Variants in FLNB observed in about 807,000 individuals in gnomAD.
The protein encoded by FLNB is filamin-B.
In FLNB, 111 loss-of-function variants were observed where a neutral mutation model predicts 250.6. That is an observed-to-expected ratio of 0.44 (90% CI 0.38 to 0.52). The LOEUF (loss-of-function observed/expected upper bound fraction) is 0.52. Ranked by LOEUF, FLNB falls within the 20% of genes least tolerant of loss-of-function variation. The pLI is 0.00. For missense variants in FLNB, 2,869 were observed against 3,447.8 expected (o/e 0.83, Z 4.20); for synonymous variants, 1,302 against 1,372.1 (o/e 0.95, Z 1.13).
At chr3:58,027,157 C>CTT (rs113631735) in intron 1 of FLNB, among the ~76,000 whole-genome samples, 2 of 145,736 alleles carry the variant, frequency 1.4e-5, no homozygotes, top group Non-Finnish European at 3.0e-5. Context: ...GACTCTGGCT[C>CTT]TTTTTTTTTT....
At chr3:58,114,262 T>C (rs1031444223) in intron 18 of FLNB, among the ~76,000 whole-genome samples, 1 of 152,138 alleles carries the variant, frequency 6.6e-6, no homozygotes, top group African/African-American at 2.4e-5. Flanking sequence ...CGTGCCACCA[T>C]GCCCAGCTAA....
At chr3:58,138,061 C>T (rs932322853) in intron 28 of FLNB, among the ~76,000 whole-genome samples, 8 of 152,200 alleles carry the variant, frequency 5.3e-5, no homozygotes, top group South Asian at 2.1e-4. Flanking sequence ...AACCTTTAGT[C>T]AACACTCAGA....
intron 1 of FLNB, among the ~76,000 whole-genome samples, chr3:58,027,154 G>A (rs889507359): frequency 7.3e-5 from 11 of 151,694 alleles, no homozygotes; most frequent in Admixed American, 5.3e-4. Flanking sequence ...TTAGACTCTG[G>A]CTCTTTTTTT....
chr3:58,117,153 G>A (rs1301676839), intron 18 of FLNB, among the ~76,000 whole-genome samples: 2 of 152,176 alleles, frequency 1.3e-5, no homozygotes, highest in Admixed American at 6.5e-5. Flanking sequence ...AAATGCACTG[G>A]CCATCACTAC....
intron 38 of FLNB, 110 bp downstream of exon 38, chr3:58,150,337 G>A (rs1215721787): frequency 6.9e-5 from 87 of 1,262,428 alleles, no homozygotes; most frequent in Admixed American, 2.2e-4. Context: ...TATCCAAGTC[G>A]GCTGTGCTGA....
intron 1 of FLNB, among the ~76,000 whole-genome samples, chr3:58,032,024 G>C (rs1287134802): frequency 6.6e-6 from 1 of 151,968 alleles, no homozygotes; most frequent in Non-Finnish European, 1.5e-5. Context: ...CACTTCCCAG[G>C]GTCAAGCCAT....
intron 1 of FLNB, among the ~76,000 whole-genome samples, chr3:58,014,233 G>A (rs1295213176): frequency 6.6e-6 from 1 of 152,198 alleles, no homozygotes; most frequent in Admixed American, 6.5e-5. Context: ...AGCTTGGTTG[G>A]CTAAGGTTGA....
At chr3:58,036,186 G>A (rs1176984003) in intron 1 of FLNB, among the ~76,000 whole-genome samples, 1 of 152,166 alleles carries the variant, frequency 6.6e-6, no homozygotes, top group Non-Finnish European at 1.5e-5. Flanking sequence ...TCAGCTCTGG[G>A]GCTTTGGACC....
chr3:58,128,014 T>C (rs1436082568), intron 24 of FLNB, among the ~76,000 whole-genome samples: 1 of 152,102 alleles, frequency 6.6e-6, no homozygotes, highest in Non-Finnish European at 1.5e-5. Flanking sequence ...TCTGGGCCAC[T>C]TATGCCTTGT....
At chr3:58,124,251 A>C in intron 21 of FLNB, 81 bp from the exon 22 acceptor site, 1 of 1,445,852 alleles carries the variant, frequency 6.9e-7, no homozygotes, top group Admixed American at 1.7e-5. Context: ...TGTGTCCTGA[A>C]GTGCCAAGAA....
At chr3:58,127,901 A>C (rs779531760) in intron 24 of FLNB, among the ~76,000 whole-genome samples, 1 of 152,130 alleles carries the variant, frequency 6.6e-6, no homozygotes, top group Non-Finnish European at 1.5e-5. Context: ...GGTTACATGG[A>C]TGAATTCTAT....
chr3:58,147,098 GT>G, intron 34 of FLNB, 105 bp downstream of exon 34: 1 of 1,187,948 alleles, frequency 8.4e-7, no homozygotes, highest in Non-Finnish European at 1.2e-6. Context: ...GTCTCTTTGA[GT>G]TTAGGTTTCA....
chr3:58,104,215 T>G, intron 10 of FLNB, 130 bp downstream of exon 10: 1 of 752,382 alleles, frequency 1.3e-6, no homozygotes, highest in Non-Finnish European at 2.1e-6. Context: ...TTTTTTTTTT[T>G]CGGAGCAGCA....
chr3:58,071,212 C>T (rs2097193937), intron 1 of FLNB, among the ~76,000 whole-genome samples: 1 of 151,528 alleles, frequency 6.6e-6, no homozygotes, highest in Non-Finnish European at 1.5e-5. Flanking sequence ...TCTCAGCTTC[C>T]CATAGTGCTG....
chr3:58,106,685 G>C lies in FLNB; in HGVS notation c.1753G>C (p.Ala585Pro). ...CTTCCACCTCCACCCCCTAGGGTTT[G>C]CCATTGAAGGCCCCTCTCAGGCAAA... ...IGSEVGSLGF[A>P]IEGPSQAKIE... Residue 585 changes from alanine to proline, a missense_variant, in exon 12 of 46, where the codon GCC (alanine) becomes CCC (proline). Coordinates refer to ENST00000295956, the MANE Select transcript of FLNB (RefSeq NM_001457.4). 1 of 1,614,082 alleles carries C rather than the reference G, an allele frequency of 6.2e-7. No individual in the cohort carries two copies. The highest frequency in any genetic ancestry group is 8.5e-7 in the Non-Finnish European group (1 of 1,179,994).
At chr3:58,148,899 T>G in intron 36 of FLNB, 47 bp downstream of exon 36, 1 of 1,549,670 alleles carries the variant, frequency 6.5e-7, no homozygotes, top group Non-Finnish European at 8.8e-7. Context: ...GGGAACCGAC[T>G]TATTTTGCTG....
At position 58,125,738 on chromosome 3, in the gene FLNB, T is replaced by C. The variant is rs1575431359; in HGVS notation, c.4056T>C (p.Val1352=). The C allele has an allele frequency of 6.2e-7, 1 of 1,614,210 alleles. No homozygotes were observed. The highest frequency in any genetic ancestry group is 8.5e-7 in the Non-Finnish European group (1 of 1,180,018). Reference sequence around the variant, plus strand: ...ACAAGCCCAATGTCTTCACCGTGGTTACCAGGTAGGCAAGGCCCTACATTT... The same window carrying C: ...ACAAGCCCAATGTCTTCACCGTGGTCACCAGGTAGGCAAGGCCCTACATTT... The part of the protein sequence containing the change: ...FTNKPNVFTV[V]TRGAGIGGLG... Residue 1352 remains valine (V), a synonymous_variant, in exon 23 of 46, where the codon GTT becomes GTC. Coordinates refer to ENST00000295956, the MANE Select transcript of FLNB (RefSeq NM_001457.4).
intron 1 of FLNB, among the ~76,000 whole-genome samples, chr3:58,036,454 G>A (rs1391163283): frequency 6.6e-6 from 1 of 152,164 alleles, no homozygotes; most frequent in Non-Finnish European, 1.5e-5. Context: ...GGGGGTCGAA[G>A]TGACGTTTTC....
intron 1 of FLNB, among the ~76,000 whole-genome samples, chr3:58,033,393 G>GT (rs753070312): frequency 8.2e-4 from 109 of 132,492 alleles, no homozygotes; most frequent in Non-Finnish European, 1.5e-3. Flanking sequence ...ATAGTATGCT[G>GT]TTTTGTTTTT....
Sources: gnomAD v4.1 joint callset for allele counts (sites outside exome capture counted in the v4.1 genomes callset) on GRCh38, gnomAD v4.1.1 for gene constraint, MANE v1.5 for transcripts, NCBI Gene and HGNC (gene_info 2026-07-23, HGNC 2026-07-21) for gene names.